RPL22L1: variants seen among roughly 807,000 people sequenced by gnomAD.
RPL22L1 encodes the protein ribosomal protein eL22-like.
In RPL22L1, 19 loss-of-function variants were observed where a neutral mutation model predicts 17.3. The observed-to-expected ratio is 1.10, with a 90% CI of 0.77 to 1.61. The LOEUF (loss-of-function observed/expected upper bound fraction) is 1.61, where lower values mean the gene tolerates loss of function less well. RPL22L1 is among the 40% of genes most tolerant of loss of function. The pLI, the probability that RPL22L1 is intolerant of heterozygous loss-of-function variation, is 0.00. For synonymous variants in RPL22L1, 48 were observed against 48.5 expected (o/e 0.99, Z 0.05); for missense variants, 139 against 144.4 (o/e 0.96, Z 0.19).
chr3:170,867,006 A>G (rs1366247656), intron 3 of RPL22L1, among the ~76,000 whole-genome samples: 12 of 152,208 alleles, frequency 7.9e-5, no homozygotes, highest in Admixed American at 7.2e-4. Context: ...GTATTTTACA[A>G]TAATTATCTG....
rs1711931834 is a variant in RPL22L1, at chr3:170,869,986, T to G, written c.9+173A>C. 5.2e-6 allele frequency: 5 copies of G among 968,162 alleles called. No homozygotes were observed. In the East Asian group the frequency reaches 1.3e-4, roughly 26 times the overall value. The allele number at this position is 968,162 out of a possible 1,614,324, so 60.0% of individuals were successfully genotyped here. A position where few individuals can be genotyped will look rare whatever the true frequency, so the allele number is the denominator to read the frequency against. ...AGACCTCATGGCAGCTGCCAGGGAG[T>G]CTCGAAAAACAGTTCAGGATCCTCG... On this transcript the variant is annotated intron_variant, in intron 1 of 3. Coordinates refer to ENST00000295830, the MANE Select transcript of RPL22L1 (RefSeq NM_001099645.2).
At chr3:170,870,025 T>C in intron 1 of RPL22L1, 134 bp downstream of exon 1, 2 of 1,332,482 alleles carry the variant, frequency 1.5e-6, no homozygotes, top group Non-Finnish European at 2.1e-6. Flanking sequence ...CTTGGTTGTG[T>C]TTCTGACCCA....
chr3:170,866,673 G>C, intron 3 of RPL22L1, 149 bp from the exon 4 acceptor site: 1 of 591,722 alleles, frequency 1.7e-6, no homozygotes, highest in South Asian at 2.3e-5. Flanking sequence ...AGGATGTATT[G>C]TGTAAGACTG....
chr3:170,869,921 C>T lies in RPL22L1; in HGVS notation c.9+238G>A, dbSNP rs1216649318. 1.5e-5 allele frequency: 10 copies of T among 681,310 alleles called. No homozygotes were observed. In the Middle Eastern group the frequency reaches 7.1e-4, roughly 49 times the overall value. 42.2% of individuals were successfully genotyped at this position (681,310 alleles called of 1,614,324 possible). ...CCTCTTTCCCGCGTGTCCAAAACCA[C>T]CCATCCTAAACCAATTCCGGGCCCA... On this transcript the variant is annotated intron_variant, in intron 1 of 3. Transcript: ENST00000295830.
rs1445739609 is a variant in RPL22L1, at chr3:170,865,654, GCTTT to G, written c.*722_*725del. 5 of 152,268 alleles carry G rather than the reference GCTTT, an allele frequency of 3.3e-5. No individual in the cohort carries two copies. The highest frequency in any genetic ancestry group is 2.6e-4 in the Admixed American group (4 of 15,302). 9.4% of individuals were successfully genotyped at this position (152,268 alleles called of 1,614,324 possible). ...GGTGCCTACAAAGCAGGTGGTTAGG[GCTTT>G]CTAATAAGCAGTTTAACATTGGTTT... On this transcript the variant is annotated 3_prime_UTR_variant, in exon 4 of 4. Coordinates refer to ENST00000295830, the MANE Select transcript of RPL22L1 (RefSeq NM_001099645.2).
intron 1 of RPL22L1, among the ~76,000 whole-genome samples, chr3:170,868,818 AG>A (rs377442978): frequency 0.071 from 10,350 of 146,252 alleles, 410 homozygotes; most frequent in African/African-American, 0.11. Context: ...AAAAAAAAAA[AG>A]AAAAGAAAAG....
At chr3:170,868,531 A>C (rs985310278) in intron 1 of RPL22L1, 141 bp from the exon 2 acceptor site, 1 of 559,912 alleles carries the variant, frequency 1.8e-6, no homozygotes, top group Non-Finnish European at 3.1e-6. Context: ...AAATAAAAAA[A>C]CACCACCACT....
In RPL22L1 at chr3:170,865,305, CT is replaced by C. The variant is rs1439437373; in HGVS notation, c.*1074del. On this transcript the variant is annotated 3_prime_UTR_variant, in exon 4 of 4. Transcript: ENST00000295830. ...CGACACAATTCTATTAGCATCAAGA[CT>C]CATCTAAGTACCTGAAGTAGTGGCA... 1 of 152,200 alleles carries C rather than the reference CT, an allele frequency of 6.6e-6. No homozygotes were observed. Among genetic ancestry groups the C allele is most frequent in the African/African-American group, 2.4e-5 (1 of 41,448 alleles). The allele number at this position is 152,200 out of a possible 1,614,324, so 9.4% of individuals were successfully genotyped here.
rs1393781005 is a variant in RPL22L1 at position 170,868,159 on chromosome 3, A to C, written c.103-25T>G. 2.5e-6 allele frequency: 4 copies of C among 1,600,390 alleles called. No individual in the cohort carries two copies. The Admixed American group carries it at 6.9e-5, about 28-fold the overall frequency. ...CCTATTTTAAAACAGAAAAAATGCA[A>C]AACTAGGGAAGAGAACCCTAGATAT... On this transcript the variant is annotated intron_variant, in intron 2 of 3. Coordinates refer to ENST00000295830, the MANE Select transcript of RPL22L1 (RefSeq NM_001099645.2).
chr3:170,869,106 T>G (rs748609927), intron 1 of RPL22L1, among the ~76,000 whole-genome samples: 7 of 92,762 alleles, frequency 7.5e-5, no homozygotes, highest in Non-Finnish European at 1.6e-4. Context: ...GGCAACAGAC[T>G]CTGTCTCAAA....
intron 1 of RPL22L1, among the ~76,000 whole-genome samples, chr3:170,869,811 T>C (rs1200313643): frequency 2.0e-5 from 3 of 152,104 alleles, no homozygotes; most frequent in Non-Finnish European, 4.4e-5. Context: ...TACCCAGTGC[T>C]GAGTGGCAAA....
intron 3 of RPL22L1, among the ~76,000 whole-genome samples, chr3:170,867,619 C>T (rs11919564): frequency 0.14 from 21,549 of 152,072 alleles, 2,185 homozygotes; most frequent in African/African-American, 0.29. Flanking sequence ...TAAAAACTGG[C>T]AGCAAGATGT....
chr3:170,869,186 AC>A (rs1417694079), intron 1 of RPL22L1, among the ~76,000 whole-genome samples: 2 of 152,172 alleles, frequency 1.3e-5, no homozygotes, highest in Non-Finnish European at 2.9e-5. Flanking sequence ...TTATACCAAG[AC>A]CATATAATAT....
At chr3:170,869,997 A>G (rs1489175023) in intron 1 of RPL22L1, 162 bp downstream of exon 1, 3 of 1,067,126 alleles carry the variant, frequency 2.8e-6, no homozygotes, top group African/African-American at 3.1e-5. Context: ...CTCGAAAAAC[A>G]GTTCAGGATC....
chr3:170,868,513 G>T (rs1711858001), intron 1 of RPL22L1, 123 bp from the exon 2 acceptor site: 3 of 583,056 alleles, frequency 5.1e-6, no homozygotes, highest in East Asian at 6.1e-5. Context: ...ATACAGAAAT[G>T]TAACAATAAA....
Position 170,866,337 on chromosome 3 carries a change from T to C in RPL22L1, c.*43A>G. ...CTTGGTATTTCTCATGTATACTTCA[T>C]TTATTTTATTAATAAGCAAAGCCCT... On this transcript the variant is annotated 3_prime_UTR_variant, in exon 4 of 4. Transcript: ENST00000295830. 1 of 1,499,382 alleles carries C rather than the reference T, an allele frequency of 6.7e-7. No individual in the cohort carries two copies. The highest frequency in any genetic ancestry group is 9.0e-7 in the Non-Finnish European group (1 of 1,115,942). The allele number at this position is 1,499,382 out of a possible 1,614,324, so 92.9% of individuals were successfully genotyped here.
At position 170,866,290 on chromosome 3, in the gene RPL22L1, C is replaced by A; in HGVS notation, c.*90G>T. 9.1e-7 allele frequency: 1 copy of A among 1,102,092 alleles called. No individual in the cohort carries two copies. Among genetic ancestry groups the A allele is most frequent in the Non-Finnish European group, 1.3e-6 (1 of 791,394 alleles). The allele number at this position is 1,102,092 out of a possible 1,614,324, so 68.3% of individuals were successfully genotyped here. A position where few individuals can be genotyped will look rare whatever the true frequency, so the allele number is the denominator to read the frequency against. ...TCAAGAGTATAATATTTTTTATTCA[C>A]TGATAAACTAAAAGCCAATTTCTTG... On this transcript the variant is annotated 3_prime_UTR_variant, in exon 4 of 4. Coordinates refer to ENST00000295830, the MANE Select transcript of RPL22L1 (RefSeq NM_001099645.2).
intron 1 of RPL22L1, 72 bp downstream of exon 1, chr3:170,870,087 G>C: frequency 1.2e-5 from 20 of 1,609,114 alleles, no homozygotes; most frequent in Non-Finnish European, 1.7e-5. Flanking sequence ...CCACTCGACA[G>C]ATGCAAAAAT....
chr3:170,866,492 TTAAGGTATTTCTTGG>T lies in RPL22L1; in HGVS notation c.242_256del (p.Thr81_Leu85del), dbSNP rs1711769313. 6.4e-7 allele frequency: 1 copy of T among 1,565,898 alleles called. No individual in the cohort carries two copies. The highest frequency in any genetic ancestry group is 8.7e-7 in the Non-Finnish European group (1 of 1,154,004). On this transcript the variant is annotated inframe_deletion, in exon 4 of 4. Transcript: ENST00000295830. ...AAGCCAATCACGAAGATTGTTCTTCTTAAGGTATTTCTTGGTAAGGTATTTCAAATACCTTTTAAA... is the reference window on the plus strand; with the variant it reads ...AAGCCAATCACGAAGATTGTTCTTCTTAAGGTATTTCAAATACCTTTTAAA...
Sources: allele counts gnomAD v4.1 joint callset (sites outside exome capture counted in the v4.1 genomes callset), GRCh38; gene constraint gnomAD v4.1.1; transcripts MANE v1.5; gene names NCBI Gene and HGNC (gene_info 2026-07-23, HGNC 2026-07-21).